PDE3B: variants seen among roughly 807,000 people sequenced by gnomAD.
The protein encoded by PDE3B is phosphodiesterase 3B, also known as cGMP-inhibited 3',5'-cyclic phosphodiesterase 3B.
In PDE3B, 66 loss-of-function variants were observed where a neutral mutation model predicts 116.8. The observed-to-expected ratio is 0.56, with a 90% CI of 0.46 to 0.69. The LOEUF (loss-of-function observed/expected upper bound fraction) is 0.69. Ranked by LOEUF, PDE3B falls within the 30% of genes least tolerant of loss-of-function variation. PDE3B has a pLI of 0.00. For missense variants in PDE3B, 1,384 were observed against 1,368.1 expected, an observed-to-expected ratio of 1.01 and a Z score of -0.18; for synonymous variants, 595 against 533.6, an observed-to-expected ratio of 1.12 and a Z score of -1.59.
intron 1 of PDE3B, 85 bp downstream of exon 1, chr11:14,645,138 AAGCATGTTAAC>A: frequency 1.3e-6 from 1 of 766,286 alleles, no homozygotes; most frequent in Non-Finnish European, 1.8e-6. Context: ...GCTTATTTCA[AAGCATGTTAAC>A]TTTCAGAATG....
At chr11:14,768,461 T>A (rs1307258596) in intron 1 of PDE3B, among the ~76,000 whole-genome samples, 1 of 151,586 alleles carries the variant, frequency 6.6e-6, no homozygotes, top group Non-Finnish European at 1.5e-5. Context: ...TGAGTGAAGG[T>A]ATACTGTATG....
chr11:14,878,139 A>C, the PDE3B span: 4 of 1,612,976 alleles, frequency 2.5e-6, no homozygotes, highest in Non-Finnish European at 3.4e-6. Flanking sequence ...CTTTCAGCAC[A>C]GATGAGGTAG....
At chr11:14,743,510 G>A (rs1856823351) in intron 1 of PDE3B, among the ~76,000 whole-genome samples, 2 of 152,190 alleles carry the variant, frequency 1.3e-5, no homozygotes, top group East Asian at 3.9e-4. Flanking sequence ...ATCAGGGTGG[G>A]ATCCACTGAG....
the PDE3B span, chr11:14,887,428 C>A: frequency 4.9e-6 from 1 of 205,926 alleles, no homozygotes; most frequent in Non-Finnish European, 8.5e-6. Context: ...AGTATGTATT[C>A]CTGTATACAG....
Position 14,861,234 on chromosome 11 carries a change from A to G in PDE3B, c.2754A>G (p.Glu918=). 6.2e-7 allele frequency: 1 copy of G among 1,613,584 alleles called. No individual in the cohort carries two copies. Residue 918 remains glutamate, a synonymous_variant, in exon 14 of 16, where the codon GAA becomes GAG. Coordinates refer to ENST00000282096, the MANE Select transcript of PDE3B (RefSeq NM_000922.4). ...KANDVNSNGI[E]WSNENDRLLV... ...ATGATGTAAATAGTAATGGCATAGA[A>G]TGGAGTAATGAAAATGATCGCCTCT...
At chr11:14,762,179 T>TC (rs1857380395) in intron 1 of PDE3B, among the ~76,000 whole-genome samples, 1 of 151,610 alleles carries the variant, frequency 6.6e-6, no homozygotes, top group Admixed American at 6.6e-5. Flanking sequence ...AAATGGGATC[T>TC]CACTGTATTG....
intron 4 of PDE3B, among the ~76,000 whole-genome samples, chr11:14,802,120 C>T (rs1858790806): frequency 6.6e-6 from 1 of 152,172 alleles, no homozygotes; most frequent in African/African-American, 2.4e-5. Flanking sequence ...TGGCTTTAGC[C>T]CTCTTTCCGG....
At chr11:14,752,756 TA>T (rs1400099820) in intron 1 of PDE3B, among the ~76,000 whole-genome samples, 4 of 152,184 alleles carry the variant, frequency 2.6e-5, no homozygotes, top group Non-Finnish European at 5.9e-5. Context: ...TTCATTTAGG[TA>T]TTACTTGTCT....
chr11:14,765,561 T>C (rs532331443), intron 1 of PDE3B, among the ~76,000 whole-genome samples: 96 of 151,880 alleles, frequency 6.3e-4, no homozygotes, highest in Non-Finnish European at 1.1e-3. Context: ...TATATATTAC[T>C]TAGAGAAATT....
At chr11:14,697,719 A>G (rs1855251800) in intron 1 of PDE3B, among the ~76,000 whole-genome samples, 1 of 152,082 alleles carries the variant, frequency 6.6e-6, no homozygotes, top group Non-Finnish European at 1.5e-5. Context: ...TGAGCATGAT[A>G]TATTTCTCCA....
At chr11:14,812,175 G>T (rs919235914) in intron 5 of PDE3B, among the ~76,000 whole-genome samples, 1 of 152,282 alleles carries the variant, frequency 6.6e-6, no homozygotes, top group African/African-American at 2.4e-5. Context: ...TCCAGAATTA[G>T]ATAGTGGTGA....
At chr11:14,696,722 T>C (rs1486517369) in intron 1 of PDE3B, among the ~76,000 whole-genome samples, 1 of 152,152 alleles carries the variant, frequency 6.6e-6, no homozygotes, top group Non-Finnish European at 1.5e-5. Flanking sequence ...GGGATATATG[T>C]ATTGGGAATA....
In PDE3B at chr11:14,643,904, G is replaced by A. The variant is rs184530450; in HGVS notation, c.-172G>A. On this transcript the variant is annotated 5_prime_UTR_variant, in exon 1 of 16. Coordinates refer to ENST00000282096, the MANE Select transcript of PDE3B (RefSeq NM_000922.4). ...CCTCAGCCAGCATGTCCCGGACTCC[G>A]CCGCTCCTCAGTCCGCGCGGTGGGG... 7 of 983,400 alleles carry A rather than the reference G, an allele frequency of 7.1e-6. No individual in the cohort carries two copies. The highest frequency in any genetic ancestry group is 1.7e-5 in the African/African-American group (1 of 58,330). The allele number at this position is 983,400 out of a possible 1,614,324, so 60.9% of individuals were successfully genotyped here.
chr11:14,839,103 A>T (rs911441910), intron 11 of PDE3B, among the ~76,000 whole-genome samples: 1 of 152,200 alleles, frequency 6.6e-6, no homozygotes, highest in Non-Finnish European at 1.5e-5. Context: ...CTACAGCCAG[A>T]GTTAGGGGCC....
intron 4 of PDE3B, among the ~76,000 whole-genome samples, chr11:14,793,549 A>G (rs569704457): frequency 2.0e-4 from 30 of 152,194 alleles, no homozygotes; most frequent in Non-Finnish European, 4.1e-4. Flanking sequence ...TAGAGTTAAA[A>G]GAAGACTGAA....
chr11:14,739,244 G>T (rs1565116251), intron 1 of PDE3B, among the ~76,000 whole-genome samples: 1 of 152,186 alleles, frequency 6.6e-6, no homozygotes, highest in Non-Finnish European at 1.5e-5. Context: ...AGCGTGGAAT[G>T]TGTTTCCATT....
At chr11:14,766,925 A>G (rs1361036765) in intron 1 of PDE3B, among the ~76,000 whole-genome samples, 1 of 151,756 alleles carries the variant, frequency 6.6e-6, no homozygotes, top group Admixed American at 6.6e-5. Flanking sequence ...CACATATACC[A>G]AGAGCTGATT....
intron 2 of PDE3B, chr11:14,774,747 A>G (rs1361490643): frequency 6.6e-6 from 1 of 152,260 alleles, no homozygotes; most frequent in African/African-American, 2.4e-5. Context: ...GCCATAAGTT[A>G]TCATGTCACT....
chr11:14,758,167 C>G (rs1475103717), intron 1 of PDE3B, among the ~76,000 whole-genome samples: 1 of 152,162 alleles, frequency 6.6e-6, no homozygotes, highest in Non-Finnish European at 1.5e-5. Flanking sequence ...ATCTATATCT[C>G]TGATTTGGTA....
Sources: gnomAD v4.1 joint callset for allele counts (sites outside exome capture counted in the v4.1 genomes callset) on GRCh38, gnomAD v4.1.1 for gene constraint, MANE v1.5 for transcripts, NCBI Gene and HGNC (gene_info 2026-07-23, HGNC 2026-07-21) for gene names.